COL23A1: variants seen among roughly 807,000 people sequenced by gnomAD.
The protein encoded by COL23A1 is collagen type XXIII alpha 1 chain.
In COL23A1, 97 loss-of-function variants were observed where a neutral mutation model predicts 99.3. The ratio of observed to expected loss-of-function variants is 0.98; its 90% CI spans 0.83 to 1.16. The LOEUF (loss-of-function observed/expected upper bound fraction) is 1.16, where lower values mean the gene tolerates loss of function less well. Among genes scored for constraint, COL23A1 ranks in the 50% most tolerant of loss-of-function variants. The probability of loss-of-function intolerance (pLI) is 0.00; values close to 1 mark genes in which losing one functional copy is unlikely to be tolerated. For synonymous variants in COL23A1, 320 were observed against 308.2 expected (o/e 1.04, Z -0.40); for missense variants, 762 against 757.4 (o/e 1.01, Z -0.07).
At chr5:178,299,816 C>T (rs573517514) in intron 3 of COL23A1, among the ~76,000 whole-genome samples, 44 of 147,340 alleles carry the variant, frequency 3.0e-4, no homozygotes, top group Admixed American at 8.1e-4. Flanking sequence ...TGCAGTGGCA[C>T]GATCTCGGCT....
chr5:178,488,394 C>A (rs1757745057), intron 2 of COL23A1, among the ~76,000 whole-genome samples: 1 of 152,122 alleles, frequency 6.6e-6, no homozygotes, highest in Non-Finnish European at 1.5e-5. Context: ...ACCCCAGACC[C>A]GGAATCTCTA....
chr5:178,546,982 G>T (rs374779072), intron 2 of COL23A1, among the ~76,000 whole-genome samples: 138 of 152,312 alleles, frequency 9.1e-4, no homozygotes, highest in Middle Eastern at 3.4e-3. Context: ...GAAGCCGCTC[G>T]CATGCAGAGT....
In COL23A1 at chr5:178,318,242, T is replaced by C. The variant is rs545717943; in HGVS notation, c.362-11323A>G. Reference sequence around the variant, plus strand: ...TGGGTTTTCTCACACATTTGTGGGGTCAGAAGCACTGCCTTTTGAAAGCCC... The same window carrying C: ...TGGGTTTTCTCACACATTTGTGGGGCCAGAAGCACTGCCTTTTGAAAGCCC... On this transcript the variant is annotated intron_variant, in intron 2 of 28. Transcript: ENST00000390654. Among the ~76,000 whole-genome samples the C allele has an allele frequency of 1.0e-3, 157 of 152,246 alleles. 2 individuals are homozygous for C. The South Asian group carries it at 0.022, about 21-fold the overall frequency.
At chr5:178,507,966 T>C (rs1345360880) in intron 2 of COL23A1, among the ~76,000 whole-genome samples, 1 of 152,222 alleles carries the variant, frequency 6.6e-6, no homozygotes, top group Admixed American at 6.5e-5. Flanking sequence ...TGTTAGATCG[T>C]CTATGATAGT....
Position 178,521,514 on chromosome 5 carries a change from T to C in COL23A1, c.361+39168A>G, listed in dbSNP as rs989211464. 4.8e-5 allele frequency among the ~76,000 whole-genome samples: 7 copies of C among 146,508 alleles called. No homozygotes were observed. The East Asian group carries it at 6.0e-4, about 13-fold the overall frequency. On this transcript the variant is annotated intron_variant, in intron 2 of 28. Coordinates refer to ENST00000390654, the MANE Select transcript of COL23A1 (RefSeq NM_173465.4). ...CTTGCAGTGAGCCGAGATGGCGCCATTGCACTCCAGCCTGGGTGACAGAGC... is the reference window on the plus strand; with the variant it reads ...CTTGCAGTGAGCCGAGATGGCGCCACTGCACTCCAGCCTGGGTGACAGAGC...
intron 2 of COL23A1, among the ~76,000 whole-genome samples, chr5:178,542,410 C>A (rs1474722452): frequency 6.6e-6 from 1 of 152,124 alleles, no homozygotes; most frequent in African/African-American, 2.4e-5. Context: ...ATTAAAGTGA[C>A]AAAAGCTATA....
chr5:178,406,121 A>C (rs1764751566), intron 2 of COL23A1, among the ~76,000 whole-genome samples: 1 of 152,178 alleles, frequency 6.6e-6, no homozygotes, highest in African/African-American at 2.4e-5. Context: ...CAAACCAACA[A>C]ACAAAAACTA....
intron 1 of COL23A1, among the ~76,000 whole-genome samples, chr5:178,581,747 CAGATTTTCTTGATGGGATATGCA>C (rs1462080440): frequency 4.6e-5 from 7 of 151,944 alleles, no homozygotes; most frequent in Non-Finnish European, 7.4e-5. Context: ...TAGTAGGATG[CAGATTTTCTTGATGGGATATGCA>C]AGATTTTCTT....
intron 2 of COL23A1, among the ~76,000 whole-genome samples, chr5:178,338,158 T>C (rs1760453317): frequency 6.6e-6 from 1 of 152,210 alleles, no homozygotes; most frequent in Non-Finnish European, 1.5e-5. Flanking sequence ...CATGACTTTT[T>C]GGTATCAGGT....
chr5:178,535,122 GC>G (rs1455818160), intron 2 of COL23A1, among the ~76,000 whole-genome samples: 2 of 151,816 alleles, frequency 1.3e-5, no homozygotes, highest in East Asian at 3.9e-4. Context: ...ACAGGCGCCT[GC>G]TACCACACCC....
At chr5:178,373,976 G>A (rs967902134) in intron 2 of COL23A1, among the ~76,000 whole-genome samples, 1 of 152,134 alleles carries the variant, frequency 6.6e-6, no homozygotes, top group Non-Finnish European at 1.5e-5. Flanking sequence ...GTGCAGCACC[G>A]GCGCCCGCAC....
intron 2 of COL23A1, among the ~76,000 whole-genome samples, chr5:178,548,832 G>A (rs748338624): frequency 6.6e-6 from 1 of 151,988 alleles, no homozygotes; most frequent in Non-Finnish European, 1.5e-5. Flanking sequence ...TGTCCATCAA[G>A]GCTTTTTAAT....
chr5:178,242,307 C>G (rs1193252900), intron 26 of COL23A1, 34 bp downstream of exon 26: 4 of 1,608,972 alleles, frequency 2.5e-6, no homozygotes, highest in Non-Finnish European at 3.4e-6. Context: ...TTCCCCCTCT[C>G]CTCCTGCCCC....
In COL23A1 at chr5:178,258,262, T is replaced by TATATATATATATATATATAC; in HGVS notation, c.730-696_730-695insGTATATATATATATATATAT. Among the ~76,000 whole-genome samples the TATATATATATATATATATAC allele has an allele frequency of 1.9e-3, 202 of 104,080 alleles. 15 individuals are homozygous for TATATATATATATATATATAC. The highest frequency in any genetic ancestry group is 3.1e-3 in the Non-Finnish European group (137 of 44,814). The allele number at this position is 104,080 out of a possible 152,430, so 68.3% of individuals were successfully genotyped here. On this transcript the variant is annotated intron_variant, in intron 12 of 28. Coordinates refer to ENST00000390654, the MANE Select transcript of COL23A1 (RefSeq NM_173465.4). ...ATATATATATATATATATATATATA[T>TATATATATATATATATATAC]ACACATGCAAATCAATTCTAGGCAC... is the stretch of plus-strand genomic sequence containing the variant.
chr5:178,402,267 A>G (rs1764491149), intron 2 of COL23A1, among the ~76,000 whole-genome samples: 1 of 151,532 alleles, frequency 6.6e-6, no homozygotes, highest in Non-Finnish European at 1.5e-5. Flanking sequence ...GAGGTGGGAG[A>G]ATTGCTTGAG....
chr5:178,372,824 T>C (rs1762868735), intron 2 of COL23A1, among the ~76,000 whole-genome samples: 1 of 152,088 alleles, frequency 6.6e-6, no homozygotes, highest in African/African-American at 2.4e-5. Context: ...GATCTGCCTG[T>C]CTCTGCCTCC....
At chr5:178,448,729 T>C (rs993890814) in intron 2 of COL23A1, among the ~76,000 whole-genome samples, 2 of 151,952 alleles carry the variant, frequency 1.3e-5, no homozygotes, top group African/African-American at 4.8e-5. Flanking sequence ...CCCATTAGGC[T>C]CCACTTCCGT....
At chr5:178,574,016 G>A (rs1763230950) in intron 1 of COL23A1, among the ~76,000 whole-genome samples, 2 of 152,008 alleles carry the variant, frequency 1.3e-5, no homozygotes, top group South Asian at 2.1e-4. Context: ...CCACCATCAC[G>A]CCCGCCTAAT....
At chr5:178,293,925 G>A (rs1053948386) in intron 3 of COL23A1, among the ~76,000 whole-genome samples, 3 of 152,072 alleles carry the variant, frequency 2.0e-5, no homozygotes, top group African/African-American at 7.3e-5. Context: ...GAGTCCAGAG[G>A]CCAGGCTGTG....
Sources: allele counts gnomAD v4.1 joint callset (sites outside exome capture counted in the v4.1 genomes callset), GRCh38; gene constraint gnomAD v4.1.1; transcripts MANE v1.5; gene names NCBI Gene and HGNC (gene_info 2026-07-23, HGNC 2026-07-21).